The following R3HDML variants were observed in gnomAD, a reference collection of about 807,000 sequenced individuals.
R3HDML encodes R3H domain containing like, also known as peptidase inhibitor R3HDML.
R3HDML carries 21 observed loss-of-function variants against 24.2 expected under a neutral mutation model. The ratio of observed to expected loss-of-function variants is 0.87; its 90% CI spans 0.62 to 1.25. The LOEUF is 1.25. Among genes scored for constraint, R3HDML ranks in the 50% most tolerant of loss-of-function variants. R3HDML has a pLI of 0.00. For missense variants in R3HDML, 301 were observed against 340.3 expected (o/e 0.88, Z 0.91); for synonymous variants, 133 against 131.5 (o/e 1.01, Z -0.08).
At chr20:44,345,221 T>G (rs1600601150) in intron 3 of R3HDML, 42 bp from the exon 4 acceptor site, 6 of 1,529,710 alleles carry the variant, frequency 3.9e-6, no homozygotes, top group Non-Finnish European at 5.4e-6. Flanking sequence ...TGGGTCCCAC[T>G]GAGCCCTTCT....
chr20:44,342,336 T>C (rs2146109776), intron 2 of R3HDML, among the ~76,000 whole-genome samples: 1 of 152,258 alleles, frequency 6.6e-6, no homozygotes, highest in South Asian at 2.1e-4. Context: ...CTGTGTTTTT[T>C]CATGTCCTTC....
Position 44,350,782 on chromosome 20 carries a change from C to T in R3HDML, c.752C>T (p.Thr251Met), listed in dbSNP as rs779875182. 6 of 1,613,846 alleles carry T rather than the reference C, an allele frequency of 3.7e-6. No homozygotes were observed. The highest frequency in any genetic ancestry group is 5.1e-6 in the Non-Finnish European group (6 of 1,179,874). The part of the protein sequence containing the change: ...CFKGLKSNKF[T>M]WF ...AAGGGGCTGAAATCCAACAAGTTCA[C>T]GTGGTTCTGAATTTTCTCTGGGCTT... The change falls in exon 5 of 5, where the codon ACG becomes ATG. Residue 251 changes from threonine (T) to methionine (M), a missense_variant. Thr to Met is a moderately conservative substitution (Grantham distance 81). Transcript: ENST00000217043.
At chr20:44,350,225 G>T (rs74762498) in intron 4 of R3HDML, among the ~76,000 whole-genome samples, 1,578 of 151,902 alleles carry the variant, frequency 0.01, 23 homozygotes, top group African/African-American at 0.036. Context: ...AGAAACCAAG[G>T]CTTACAGGTT....
intron 3 of R3HDML, chr20:44,344,858 A>G (rs2062781981): frequency 1.1e-5 from 2 of 178,046 alleles, no homozygotes; most frequent in African/African-American, 4.8e-5. Flanking sequence ...GAAGGTAGTG[A>G]GTTCTCTCAA....
At chr20:44,345,162 C>T (rs1239348595) in intron 3 of R3HDML, 101 bp from the exon 4 acceptor site, 1 of 869,646 alleles carries the variant, frequency 1.1e-6, no homozygotes, top group Non-Finnish European at 2.0e-6. Context: ...GGCAGACTGT[C>T]TCTCCCAGGA....
chr20:44,346,913 G>A (rs1465743357), intron 4 of R3HDML, among the ~76,000 whole-genome samples: 1 of 152,162 alleles, frequency 6.6e-6, no homozygotes, highest in African/African-American at 2.4e-5. Context: ...GGGCTGAGGC[G>A]AGTGAATCAC....
At chr20:44,345,544 C>T (rs2062784217) in intron 4 of R3HDML, among the ~76,000 whole-genome samples, 166 bp downstream of exon 4, 1 of 152,084 alleles carries the variant, frequency 6.6e-6, no homozygotes, top group Admixed American at 6.6e-5. Context: ...TGGCTCACGC[C>T]TGAAATCCCA....
Position 44,337,526 on chromosome 20 carries a change from C to T in R3HDML, c.261+108C>T, listed in dbSNP as rs2062761232. 2 of 1,244,022 alleles carry T rather than the reference C, an allele frequency of 1.6e-6. No homozygotes were observed. Among genetic ancestry groups the T allele is most frequent in the South Asian group, 1.4e-5 (1 of 70,178 alleles). The allele number at this position is 1,244,022 out of a possible 1,614,324, so 77.1% of individuals were successfully genotyped here. ...GGCTTTGAAGAGCTGGACCACTTGC[C>T]TGCCTGGCCCCACTAGCCAGTATCT... On this transcript the variant is annotated intron_variant, in intron 1 of 4. Transcript: ENST00000217043. The surrounding 1 kb of genome is among the most constrained non-coding windows in gnomAD (Gnocchi z 4.7).
chr20:44,350,521 A>G, intron 4 of R3HDML, 139 bp from the exon 5 acceptor site: 1 of 689,866 alleles, frequency 1.4e-6, no homozygotes, highest in East Asian at 3.1e-5. Context: ...AAGGAAAGAA[A>G]AAAAAGAAAC....
chr20:44,346,566 A>G (rs2062787640), intron 4 of R3HDML, among the ~76,000 whole-genome samples: 2 of 152,146 alleles, frequency 1.3e-5, no homozygotes, highest in East Asian at 3.9e-4. Flanking sequence ...ATATCTCACT[A>G]CTGAATTAGA....
chr20:44,348,519 CTTTTCTTCT>C (rs2062797348), intron 4 of R3HDML, among the ~76,000 whole-genome samples: 2 of 143,304 alleles, frequency 1.4e-5, no homozygotes, highest in Admixed American at 1.5e-4. Flanking sequence ...CCTTTCCTTT[CTTTTCTTCT>C]GTCCAGCTCT....
chr20:44,339,611 G>C (rs1014881841), intron 1 of R3HDML, among the ~76,000 whole-genome samples: 1 of 144,554 alleles, frequency 6.9e-6, no homozygotes, highest in Non-Finnish European at 1.5e-5. Context: ...GTGTGTCTGT[G>C]TGTGTGTGTA....
intron 1 of R3HDML, among the ~76,000 whole-genome samples, chr20:44,338,999 G>A (rs1481720767): frequency 6.6e-6 from 1 of 151,476 alleles, no homozygotes; most frequent in African/African-American, 2.4e-5. Flanking sequence ...CTTGAACCTG[G>A]GAGGCCGAGG....
rs112304856 is a variant in R3HDML at position 44,338,317 on chromosome 20, C to G, written c.261+899C>G. On this transcript the variant is annotated intron_variant, in intron 1 of 4. Coordinates refer to ENST00000217043, the MANE Select transcript of R3HDML (RefSeq NM_178491.4). The stretch of plus-strand genomic sequence containing the variant: ...ACTTGCAGCCAGGCACCGTGCTAAG[C>G]CTTGTGGATACTGCTGGTAACAGAA... Among the ~76,000 whole-genome samples, 1,431 of 152,294 alleles carry G rather than the reference C, an allele frequency of 9.4e-3. 12 individuals carry two copies. Among genetic ancestry groups the G allele is most frequent in the Non-Finnish European group, 0.013 (909 of 68,032 alleles).
At position 44,345,371 on chromosome 20, in the gene R3HDML, G is replaced by A. The variant is rs2062783658; in HGVS notation, c.622G>A (p.Ala208Thr). Reference sequence around the variant, plus strand: ...GGCGGCATACCTGGTCTGCAACTATGCCATTAAGTAAGTGCCTGCACCAAG... The same window carrying A: ...GGCGGCATACCTGGTCTGCAACTATACCATTAAGTAAGTGCCTGCACCAAG... Reference protein sequence around the residue: ...HRAAYLVCNYAIKGNWIGESP... With the variant: ...HRAAYLVCNYTIKGNWIGESP... The change falls in exon 4 of 5, where the codon GCC becomes ACC. Residue 208 changes from alanine to threonine, a missense_variant. Coordinates refer to ENST00000217043, the MANE Select transcript of R3HDML (RefSeq NM_178491.4). 8 of 1,612,510 alleles carry A rather than the reference G, an allele frequency of 5.0e-6. No homozygotes were observed. The highest frequency in any genetic ancestry group is 6.8e-6 in the Non-Finnish European group (8 of 1,179,108).
Position 44,349,774 on chromosome 20 carries a change from A to G in R3HDML, c.630-886A>G, listed in dbSNP as rs555845947. Among the ~76,000 whole-genome samples the G allele has an allele frequency of 9.2e-5, 14 of 152,334 alleles. No individual in the cohort carries two copies. The East Asian group carries it at 2.7e-3, about 29-fold the overall frequency. ...AACAATTTTAGGCTTTGAAAGGAGA[A>G]AGAGGGAGAAAAAGGCTGGGCGCGG... On this transcript the variant is annotated intron_variant, in intron 4 of 4. Transcript: ENST00000217043.
Position 44,337,374 on chromosome 20 carries a change from A to G in R3HDML, c.217A>G (p.Ile73Val). Residue 73 changes from isoleucine to valine, a missense_variant, in exon 1 of 5, where the codon ATC becomes GTC. Physicochemically the swap from Ile to Val is conservative, Grantham distance 29. Transcript: ENST00000217043. The surrounding 1 kb of genome is among the most constrained non-coding windows in gnomAD (Gnocchi z 4.7). ...MNALLDYHNH[I>V]RASVYPPAAN... ...TGCCTTACTGGATTATCACAACCAC[A>G]TCCGGGCCAGTGTGTACCCACCTGC... The G allele has an allele frequency of 1.2e-6, 2 of 1,614,146 alleles. No individual in the cohort carries two copies. Among genetic ancestry groups the G allele is most frequent in the Non-Finnish European group, 1.7e-6 (2 of 1,180,008 alleles).
At position 44,337,809 on chromosome 20, in the gene R3HDML, T is replaced by C. The variant is rs535785115; in HGVS notation, c.261+391T>C. 2.0e-5 allele frequency among the ~76,000 whole-genome samples: 3 copies of C among 152,250 alleles called. No individual in the cohort carries two copies. The highest frequency in any genetic ancestry group is 1.5e-5 in the Non-Finnish European group (1 of 68,008). On this transcript the variant is annotated intron_variant, in intron 1 of 4. Transcript: ENST00000217043. This position sits in a 1 kb window ranked among gnomAD's most constrained non-coding sequence, Gnocchi z 4.7. ...CCTGGCACCATCACAACTGTAACCA[T>C]CACAATCCCCTACCCAAGAATTTTG... is the stretch of plus-strand genomic sequence containing the variant.
chr20:44,348,886 C>G (rs138304597), intron 4 of R3HDML, among the ~76,000 whole-genome samples: 2 of 152,160 alleles, frequency 1.3e-5, no homozygotes, highest in Non-Finnish European at 2.9e-5. Context: ...TGTGGTGGCT[C>G]ACGCCTGTAA....
Sources: allele counts gnomAD v4.1 joint callset (sites outside exome capture counted in the v4.1 genomes callset), GRCh38; gene constraint gnomAD v4.1.1; non-coding constraint Gnocchi (gnomAD v3.1); transcripts MANE v1.5; gene names NCBI Gene and HGNC (gene_info 2026-07-23, HGNC 2026-07-21).